Variants in KCTD16 observed in about 807,000 individuals in gnomAD.
The protein encoded by KCTD16 is potassium channel tetramerization domain containing 16.
In KCTD16, 13 loss-of-function variants were observed where a neutral mutation model predicts 33.2. The ratio of observed to expected loss-of-function variants is 0.39; its 90% confidence interval spans 0.25 to 0.62. KCTD16 has a LOEUF of 0.62. Ranked by LOEUF, KCTD16 falls within the 20% of genes least tolerant of loss-of-function variation. KCTD16 has a pLI of 0.50. For synonymous variants in KCTD16, 197 were observed against 195.3 expected, an observed-to-expected ratio of 1.01 and a Z score of -0.07; for missense variants, 441 against 525.1, an observed-to-expected ratio of 0.84 and a Z score of 1.57.
intron 3 of KCTD16, among the ~76,000 whole-genome samples, chr5:144,355,703 C>T (rs552774311): frequency 6.6e-6 from 1 of 152,088 alleles, no homozygotes; most frequent in African/African-American, 2.4e-5. Flanking sequence ...ACAGTTGGTC[C>T]TTCATCGCCA....
intron 3 of KCTD16, among the ~76,000 whole-genome samples, chr5:144,244,829 C>A (rs944830528): frequency 1.3e-5 from 2 of 152,082 alleles, no homozygotes; most frequent in East Asian, 3.9e-4. Context: ...AAAAATGAAG[C>A]CAGTAACAAA....
intron 3 of KCTD16, among the ~76,000 whole-genome samples, chr5:144,383,397 T>C (rs574545572): frequency 2.8e-4 from 42 of 152,306 alleles, no homozygotes; most frequent in South Asian, 2.7e-3. Flanking sequence ...TATTCAGATC[T>C]ACCTTTTTCA....
At chr5:144,264,923 C>T (rs188599428) in intron 3 of KCTD16, among the ~76,000 whole-genome samples, 23 of 152,266 alleles carry the variant, frequency 1.5e-4, no homozygotes, top group Non-Finnish European at 2.4e-4. Context: ...TAAAAAAACT[C>T]CATACAATTT....
chr5:144,248,811 G>A (rs1754619313), intron 3 of KCTD16, among the ~76,000 whole-genome samples: 1 of 152,186 alleles, frequency 6.6e-6, no homozygotes, highest in Admixed American at 6.5e-5. Context: ...GGCTGTGGGG[G>A]CAGTAGGGTT....
chr5:144,464,489 ATGT>A (rs1449240683), intron 3 of KCTD16, among the ~76,000 whole-genome samples: 3 of 152,214 alleles, frequency 2.0e-5, no homozygotes, highest in African/African-American at 7.2e-5. Context: ...GAGGCCACAG[ATGT>A]TGCCATACAT....
chr5:144,215,389 G>T (rs937679572), intron 3 of KCTD16, among the ~76,000 whole-genome samples: 7 of 152,200 alleles, frequency 4.6e-5, no homozygotes, highest in African/African-American at 1.7e-4. Context: ...CTGTGAGACC[G>T]ACAAGGTTGC....
intron 3 of KCTD16, among the ~76,000 whole-genome samples, chr5:144,252,464 C>T (rs1241388791): frequency 6.6e-6 from 1 of 152,042 alleles, no homozygotes; most frequent in Non-Finnish European, 1.5e-5. Flanking sequence ...GACAGGTGGC[C>T]TTAGCACTTT....
At chr5:144,386,424 G>T (rs1360250230) in intron 3 of KCTD16, among the ~76,000 whole-genome samples, 2 of 152,106 alleles carry the variant, frequency 1.3e-5, no homozygotes, top group African/African-American at 4.8e-5. Context: ...TATTTTTTAG[G>T]TAGTTATTGA....
At chr5:144,174,210 C>T (rs1260717453) in intron 1 of KCTD16, 97 bp from the exon 2 acceptor site, 1 of 152,224 alleles carries the variant, frequency 6.6e-6, no homozygotes, top group East Asian at 1.9e-4. Context: ...AACACTTTTA[C>T]ATGCTTCACA....
chr5:144,430,943 C>T (rs921878050), intron 3 of KCTD16, among the ~76,000 whole-genome samples: 2 of 152,118 alleles, frequency 1.3e-5, no homozygotes, highest in African/African-American at 4.8e-5. Context: ...ATAATAGCCA[C>T]AGACCCTTAT....
At chr5:144,246,646 A>C (rs1397647113) in intron 3 of KCTD16, among the ~76,000 whole-genome samples, 1 of 152,210 alleles carries the variant, frequency 6.6e-6, no homozygotes, top group East Asian at 1.9e-4. Flanking sequence ...ACCAAATGAT[A>C]ATTTAACATT....
At chr5:144,442,658 A>G (rs142657280) in intron 3 of KCTD16, among the ~76,000 whole-genome samples, 23 of 150,328 alleles carry the variant, frequency 1.5e-4, no homozygotes, top group African/African-American at 4.9e-4. Flanking sequence ...TTTTGGAGTT[A>G]CCAGCCTCTT....
chr5:144,241,777 C>G (rs552860395), intron 3 of KCTD16, among the ~76,000 whole-genome samples: 2 of 152,250 alleles, frequency 1.3e-5, no homozygotes, highest in South Asian at 4.1e-4. Context: ...GAAAAATTAA[C>G]TCATGTTCTT....
intron 3 of KCTD16, among the ~76,000 whole-genome samples, chr5:144,462,931 T>G (rs950185099): frequency 8.5e-5 from 13 of 152,196 alleles, no homozygotes; most frequent in African/African-American, 2.7e-4. Flanking sequence ...CAAGCAATCT[T>G]GTGAGGTTAT....
intron 3 of KCTD16, among the ~76,000 whole-genome samples, chr5:144,389,228 C>T (rs915521185): frequency 2.0e-5 from 3 of 152,206 alleles, no homozygotes; most frequent in Non-Finnish European, 4.4e-5. Context: ...CCCCAGGCCA[C>T]GGACCAGTAG....
chr5:144,184,137 T>G (rs1407930009), intron 2 of KCTD16, among the ~76,000 whole-genome samples: 1 of 152,224 alleles, frequency 6.6e-6, no homozygotes, highest in Non-Finnish European at 1.5e-5. Flanking sequence ...ATTTGCTGTC[T>G]TAACTATTTT....
At chr5:144,268,548 T>G (rs1177612285) in intron 3 of KCTD16, among the ~76,000 whole-genome samples, 1 of 152,170 alleles carries the variant, frequency 6.6e-6, no homozygotes, top group East Asian at 1.9e-4. Context: ...ATTTCCATTT[T>G]TTGGTACAGA....
At chr5:144,344,158 G>T (rs1010840648) in intron 3 of KCTD16, among the ~76,000 whole-genome samples, 1 of 152,144 alleles carries the variant, frequency 6.6e-6, no homozygotes, top group African/African-American at 2.4e-5. Context: ...CTAGCCGTAT[G>T]TAGAAAGCTG....
At position 144,311,017 on chromosome 5, in the gene KCTD16, C is replaced by A. The variant is rs1454229189; in HGVS notation, c.832+103471C>A. ...TGGATTGTGCTAGATTTCCTAATGC[C>A]CATTGAAGTCTGACCTTTACCACTC... On this transcript the variant is annotated intron_variant, in intron 3 of 3. Transcript: ENST00000512467. Among the ~76,000 whole-genome samples, 3 of 152,094 alleles carry A rather than the reference C, an allele frequency of 2.0e-5. No homozygotes were observed. In the East Asian group the frequency reaches 5.8e-4, roughly 29 times the overall value.
Sources: gnomAD v4.1 joint callset for allele counts (sites outside exome capture counted in the v4.1 genomes callset) on GRCh38, gnomAD v4.1.1 for gene constraint, MANE v1.5 for transcripts, NCBI Gene and HGNC (gene_info 2026-07-23, HGNC 2026-07-21) for gene names.